CDH23: variants seen among roughly 807,000 people sequenced by gnomAD.
CDH23 encodes cadherin related 23, also known as cadherin-23.
Under a neutral mutation model 317.1 loss-of-function variants are expected in CDH23, and 189 were observed. The ratio of observed to expected loss-of-function variants is 0.60; its 90% CI spans 0.53 to 0.67. The LOEUF (loss-of-function observed/expected upper bound fraction) is 0.67. Among genes scored for constraint, CDH23 ranks in the 30% least tolerant of loss-of-function variants. CDH23 has a pLI of 0.00. For synonymous variants in CDH23, 1,839 were observed against 1,876.8 expected (o/e 0.98, Z 0.52); for missense variants, 4,401 against 4,592.4 (o/e 0.96, Z 1.20).
chr10:71,655,290 GC>G (rs1863370828), intron 14 of CDH23, among the ~76,000 whole-genome samples: 1 of 152,098 alleles, frequency 6.6e-6, no homozygotes, highest in Non-Finnish European at 1.5e-5. Flanking sequence ...TGCTATTCCA[GC>G]CCTTGCCCCC....
At chr10:71,544,566 G>A (rs769984958) in intron 6 of CDH23, among the ~76,000 whole-genome samples, 5 of 152,230 alleles carry the variant, frequency 3.3e-5, no homozygotes, top group Non-Finnish European at 5.9e-5. Flanking sequence ...GGGAATGCTG[G>A]CAGAGGGTTA....
At chr10:71,791,877 A>G (rs948823412) in intron 47 of CDH23, among the ~76,000 whole-genome samples, 1 of 152,002 alleles carries the variant, frequency 6.6e-6, no homozygotes, top group Non-Finnish European at 1.5e-5. Context: ...CGCCTGGCCT[A>G]CAAGATTCCT....
At chr10:71,718,791 G>T (rs2132782523) in intron 28 of CDH23, among the ~76,000 whole-genome samples, 1 of 152,294 alleles carries the variant, frequency 6.6e-6, no homozygotes, top group Non-Finnish European at 1.5e-5. Flanking sequence ...GTGAGGCCAG[G>T]CGTGTTGGCT....
chr10:71,776,437 C>T (rs1218757370), intron 38 of CDH23, among the ~76,000 whole-genome samples: 2 of 152,258 alleles, frequency 1.3e-5, no homozygotes, highest in Non-Finnish European at 2.9e-5. Context: ...GTCACGTTCT[C>T]TCTACCCAGA....
chr10:71,714,217 A>G (rs1564750695), intron 28 of CDH23: 1 of 151,966 alleles, frequency 6.6e-6, no homozygotes, highest in South Asian at 2.1e-4. Flanking sequence ...TTGGAGAGAA[A>G]TCTTTCTAGA....
intron 6 of CDH23, among the ~76,000 whole-genome samples, chr10:71,566,349 G>A (rs1483471024): frequency 5.3e-5 from 8 of 152,174 alleles, no homozygotes; most frequent in Admixed American, 5.2e-4. Flanking sequence ...TGCATGGTCT[G>A]TCTGTGAAGG....
In CDH23 at chr10:71,449,944, A is replaced by G. The variant is rs187329681; in HGVS notation, c.145+3549A>G. Among the ~76,000 whole-genome samples, 9 of 152,364 alleles carry G rather than the reference A, an allele frequency of 5.9e-5. No individual in the cohort carries two copies. The East Asian group carries it at 1.7e-3, about 29-fold the overall frequency. On this transcript the variant is annotated intron_variant, in intron 3 of 69. Transcript: ENST00000224721. ...ATGTTCTTTTTGAAGACCGTCTACC[A>G]GCCGGAGAAGACAGAAGCCAAATGA...
chr10:71,761,159 C>T (rs1171069513), intron 38 of CDH23, among the ~76,000 whole-genome samples: 1 of 152,194 alleles, frequency 6.6e-6, no homozygotes, highest in African/African-American at 2.4e-5. Context: ...GTGCCCACAC[C>T]TCTATCCGAA....
At chr10:71,567,489 G>A (rs1036380743) in intron 7 of CDH23, among the ~76,000 whole-genome samples, 2 of 152,250 alleles carry the variant, frequency 1.3e-5, no homozygotes, top group African/African-American at 4.8e-5. Context: ...CAGGATGAGT[G>A]AGTCAAGGGC....
At chr10:71,646,961 GGCAACCCTCTCC>G in intron 14 of CDH23, 1 of 985,298 alleles carries the variant, frequency 1.0e-6, no homozygotes, top group South Asian at 4.7e-5. Flanking sequence ...CCTTGAGAAG[GGCAACCCTCTCC>G]ATGTGAGCAC....
chr10:71,652,019 T>C (rs1049696372), intron 14 of CDH23, among the ~76,000 whole-genome samples: 1 of 152,186 alleles, frequency 6.6e-6, no homozygotes, highest in African/African-American at 2.4e-5. Context: ...GGGTGGGGCA[T>C]GGCAGAAATG....
At chr10:71,427,250 A>AGG (rs1564573029) in intron 1 of CDH23, among the ~76,000 whole-genome samples, 16 of 140,216 alleles carry the variant, frequency 1.1e-4, no homozygotes, top group African/African-American at 4.0e-4. Flanking sequence ...AGAAAGGGAA[A>AGG]GAAAGAAAGA....
At chr10:71,751,000 G>T in intron 38 of CDH23, 1 of 459,574 alleles carries the variant, frequency 2.2e-6, no homozygotes, top group Non-Finnish European at 3.9e-6. Flanking sequence ...ATCTGTAGCT[G>T]GTGAATTTCA....
chr10:71,638,776 T>C (rs1278197279), intron 11 of CDH23, among the ~76,000 whole-genome samples: 1 of 152,190 alleles, frequency 6.6e-6, no homozygotes, highest in Non-Finnish European at 1.5e-5. Context: ...CCGGGTCTGC[T>C]GGGACAGACT....
rs373362582 is a variant in CDH23, at chr10:71,463,926, A to G, written c.145+17531A>G. Reference sequence around the variant, plus strand: ...CCAATACCCAATCCCTGGAGTCCCCATTAGAATATTTTCACTAAATCAACA... The same window carrying G: ...CCAATACCCAATCCCTGGAGTCCCCGTTAGAATATTTTCACTAAATCAACA... On this transcript the variant is annotated intron_variant, in intron 3 of 69. Transcript: ENST00000224721. Among the ~76,000 whole-genome samples the G allele has an allele frequency of 7.2e-5, 11 of 152,356 alleles. No individual in the cohort carries two copies. The East Asian group carries it at 1.9e-3, about 27-fold the overall frequency.
At chr10:71,670,166 G>C (rs1294652819) in intron 14 of CDH23, among the ~76,000 whole-genome samples, 2 of 152,200 alleles carry the variant, frequency 1.3e-5, no homozygotes, top group Non-Finnish European at 2.9e-5. Context: ...CAGGGGCCAG[G>C]GTGTTGGAGG....
intron 1 of CDH23, among the ~76,000 whole-genome samples, chr10:71,400,080 C>T (rs368246987): frequency 2.6e-5 from 4 of 152,140 alleles, no homozygotes; most frequent in South Asian, 2.1e-4. Context: ...CTCCCCTGAC[C>T]CCAGCCTGGA....
chr10:71,669,530 C>T (rs1308801759), intron 14 of CDH23, among the ~76,000 whole-genome samples: 1 of 151,898 alleles, frequency 6.6e-6, no homozygotes, highest in African/African-American at 2.4e-5. Context: ...TCACTGCAAC[C>T]TCCACCTCCC....
intron 6 of CDH23, among the ~76,000 whole-genome samples, chr10:71,519,508 C>T (rs750234629): frequency 1.3e-5 from 2 of 152,230 alleles, no homozygotes; most frequent in Non-Finnish European, 2.9e-5. Flanking sequence ...CCACCTACAG[C>T]CAAGGGCAGC....
Sources: allele counts gnomAD v4.1 joint callset (sites outside exome capture counted in the v4.1 genomes callset), GRCh38; gene constraint gnomAD v4.1.1; transcripts MANE v1.5; gene names NCBI Gene and HGNC (gene_info 2026-07-23, HGNC 2026-07-21).